Variants in IMMP2L observed in about 807,000 individuals in gnomAD.
IMMP2L encodes the protein inner mitochondrial membrane peptidase subunit 2.
In IMMP2L, 18 loss-of-function variants were observed where a neutral mutation model predicts 19.3. The ratio of observed to expected loss-of-function variants is 0.93; its 90% CI spans 0.64 to 1.38. The LOEUF (loss-of-function observed/expected upper bound fraction) is 1.38, where lower values mean the gene tolerates loss of function less well. Among genes scored for constraint, IMMP2L ranks in the 40% most tolerant of loss-of-function variants. The pLI is 0.00. For synonymous variants in IMMP2L, 76 were observed against 73.0 expected (o/e 1.04, Z -0.21); for missense variants, 233 against 218.2 (o/e 1.07, Z -0.43).
At chr7:110,968,977 A>C (rs1819857741) in intron 3 of IMMP2L, among the ~76,000 whole-genome samples, 1 of 151,986 alleles carries the variant, frequency 6.6e-6, no homozygotes. Flanking sequence ...GACTATATTT[A>C]AGCCCTCTAA....
intron 3 of IMMP2L, among the ~76,000 whole-genome samples, chr7:111,453,856 A>G (rs1369862170): frequency 6.6e-6 from 1 of 152,178 alleles, no homozygotes; most frequent in Non-Finnish European, 1.5e-5. Context: ...TAAGCACTCA[A>G]TAAATATTTG....
chr7:111,093,780 T>C (rs1374919948), intron 3 of IMMP2L, among the ~76,000 whole-genome samples: 1 of 152,152 alleles, frequency 6.6e-6, no homozygotes. Context: ...TGGACATTTG[T>C]GTATGACTGG....
At chr7:110,673,139 G>C (rs566693552) in intron 5 of IMMP2L, among the ~76,000 whole-genome samples, 1 of 152,376 alleles carries the variant, frequency 6.6e-6, no homozygotes, top group South Asian at 2.1e-4. Flanking sequence ...TCTAGATGGA[G>C]GTTCCCAAAC....
chr7:111,431,930 TA>T (rs67058510), intron 3 of IMMP2L, among the ~76,000 whole-genome samples: 3,123 of 150,036 alleles, frequency 0.021, 173 homozygotes, highest in African/African-American at 0.072. Context: ...TCCTCAGATT[TA>T]AAAAAAAAAT....
chr7:111,119,225 A>T (rs1800278373), intron 3 of IMMP2L, among the ~76,000 whole-genome samples: 1 of 152,148 alleles, frequency 6.6e-6, no homozygotes, highest in Non-Finnish European at 1.5e-5. Flanking sequence ...TGGACTTTGT[A>T]CCTAGGTTTT....
intron 1 of IMMP2L, among the ~76,000 whole-genome samples, chr7:111,522,938 T>TATATGTATATATATATATATATATA (rs199823915): frequency 1.6e-4 from 24 of 148,748 alleles, no homozygotes; most frequent in South Asian, 4.2e-4. Context: ...TATATATATA[T>TATATGTATATATATATATATATATA]TATTTCACCA....
intron 3 of IMMP2L, among the ~76,000 whole-genome samples, chr7:111,167,650 G>A (rs549884299): frequency 4.0e-5 from 6 of 151,886 alleles, no homozygotes; most frequent in East Asian, 1.9e-4. Context: ...TATCTTCACC[G>A]GGATATAATA....
At chr7:110,822,937 G>A (rs1260723757) in intron 5 of IMMP2L, among the ~76,000 whole-genome samples, 4 of 152,022 alleles carry the variant, frequency 2.6e-5, no homozygotes, top group East Asian at 3.9e-4. Context: ...TACCTGGCAC[G>A]GGATCTGGCA....
chr7:111,314,857 TA>T (rs1161758456), intron 3 of IMMP2L, among the ~76,000 whole-genome samples: 1 of 152,156 alleles, frequency 6.6e-6, no homozygotes, highest in Non-Finnish European at 1.5e-5. Flanking sequence ...GCAAGGGTAG[TA>T]AAAATGTAAC....
chr7:110,677,858 G>C (rs1191988185), intron 5 of IMMP2L, among the ~76,000 whole-genome samples: 1 of 152,170 alleles, frequency 6.6e-6, no homozygotes, highest in Non-Finnish European at 1.5e-5. Flanking sequence ...AAGGCACAGA[G>C]TCAGGGGTGG....
At chr7:110,849,919 T>G (rs12537852) in intron 5 of IMMP2L, among the ~76,000 whole-genome samples, 44,426 of 151,914 alleles carry the variant, frequency 0.29, 8,095 homozygotes, top group East Asian at 0.67. Flanking sequence ...ATATAAGTGT[T>G]CAGTAACTAA....
At chr7:110,685,490 T>C (rs1793050038) in intron 5 of IMMP2L, among the ~76,000 whole-genome samples, 1 of 152,120 alleles carries the variant, frequency 6.6e-6, no homozygotes, top group African/African-American at 2.4e-5. Flanking sequence ...TAACAAGGAA[T>C]AAGGTGTTGA....
At chr7:111,503,740 T>C (rs1043519529) in intron 2 of IMMP2L, among the ~76,000 whole-genome samples, 47 of 152,240 alleles carry the variant, frequency 3.1e-4, no homozygotes, top group African/African-American at 1.1e-3. Flanking sequence ...TCTCAATAGA[T>C]GCAGAAAAGG....
intron 4 of IMMP2L, among the ~76,000 whole-genome samples, chr7:110,926,453 T>A (rs1189239300): frequency 1.3e-5 from 2 of 152,166 alleles, no homozygotes; most frequent in African/African-American, 4.8e-5. Context: ...AGCCTACAGA[T>A]CTGCCCTTAT....
At chr7:111,220,878 C>T (rs559738188) in intron 3 of IMMP2L, among the ~76,000 whole-genome samples, 2 of 152,024 alleles carry the variant, frequency 1.3e-5, no homozygotes, top group Non-Finnish European at 1.5e-5. Context: ...TACAGTTCAA[C>T]GGTTAGGCAG....
intron 1 of IMMP2L, among the ~76,000 whole-genome samples, chr7:111,542,835 C>G (rs1848608618): frequency 6.6e-6 from 1 of 152,122 alleles, no homozygotes; most frequent in Non-Finnish European, 1.5e-5. Context: ...TTAAACTTCA[C>G]AATTACTGAA....
chr7:111,066,592 T>C (rs1794523842), intron 3 of IMMP2L, among the ~76,000 whole-genome samples: 1 of 152,212 alleles, frequency 6.6e-6, no homozygotes, highest in African/African-American at 2.4e-5. Context: ...TAAGTAATTC[T>C]CAAAGGCAAT....
At chr7:110,742,951 A>T (rs1219331690) in intron 5 of IMMP2L, among the ~76,000 whole-genome samples, 1 of 152,108 alleles carries the variant, frequency 6.6e-6, no homozygotes, top group African/African-American at 2.4e-5. Flanking sequence ...AATTCCTAAA[A>T]GGAAAAACCA....
At chr7:111,104,925 A>T (rs1563247035) in intron 3 of IMMP2L, among the ~76,000 whole-genome samples, 2 of 151,746 alleles carry the variant, frequency 1.3e-5, no homozygotes, top group African/African-American at 4.8e-5. Flanking sequence ...CAAAAGAGGA[A>T]GAAAAACAAA....
Sources: allele counts gnomAD v4.1 joint callset (sites outside exome capture counted in the v4.1 genomes callset), GRCh38; gene constraint gnomAD v4.1.1; transcripts MANE v1.5; gene names NCBI Gene and HGNC (gene_info 2026-07-23, HGNC 2026-07-21).